PCNX2: variants seen among roughly 807,000 people sequenced by gnomAD.
PCNX2 encodes the protein pecanex 2.
A neutral mutation model predicts 223.8 loss-of-function variants in PCNX2; 168 were observed. The ratio of observed to expected loss-of-function variants is 0.75; its 90% CI spans 0.66 to 0.85. PCNX2 has a LOEUF of 0.85. Ranked by LOEUF, PCNX2 falls within the 40% of genes least tolerant of loss-of-function variation. The pLI is 0.00. For synonymous variants in PCNX2, 1,006 were observed against 1,052.6 expected (o/e 0.96, Z 0.86); for missense variants, 2,507 against 2,675.5 (o/e 0.94, Z 1.39).
intron 25 of PCNX2, among the ~76,000 whole-genome samples, chr1:233,042,416 T>C (rs937103929): frequency 2.0e-5 from 3 of 152,216 alleles, no homozygotes; most frequent in Admixed American, 1.3e-4. Flanking sequence ...CCCCAGCTGA[T>C]AGACTAATAC....
chr1:233,282,980 A>T (rs1661264446), intron 1 of PCNX2, among the ~76,000 whole-genome samples: 1 of 152,068 alleles, frequency 6.6e-6, no homozygotes. Context: ...GTAACTTTTG[A>T]GCATGTTACT....
intron 27 of PCNX2, among the ~76,000 whole-genome samples, chr1:233,015,220 AC>A (rs1670609482): frequency 6.6e-6 from 1 of 152,230 alleles, no homozygotes; most frequent in Non-Finnish European, 1.5e-5. Context: ...CTGTGGGTTG[AC>A]TGCTAGACTG....
At chr1:233,226,284 G>A (rs1657713213) in intron 10 of PCNX2, among the ~76,000 whole-genome samples, 1 of 151,996 alleles carries the variant, frequency 6.6e-6, no homozygotes, top group South Asian at 2.1e-4. Flanking sequence ...TCTGGGTGGG[G>A]GGGAGATTAA....
At chr1:233,146,411 TAAA>T (rs1161854838) in intron 19 of PCNX2, among the ~76,000 whole-genome samples, 4 of 152,148 alleles carry the variant, frequency 2.6e-5, no homozygotes, top group Non-Finnish European at 5.9e-5. Flanking sequence ...GATTATGAAA[TAAA>T]AAAAGTAACT....
At position 233,000,432 on chromosome 1, in the gene PCNX2, G is replaced by A. The variant is rs1430916462; in HGVS notation, c.5201C>T (p.Ala1734Val). The change falls in exon 30 of 34, where the codon GCC (alanine) becomes GTC (valine). Residue 1734 changes from alanine (A) to valine (V), a missense_variant. By Grantham distance (64) the Ala-to-Val change is moderately conservative (BLOSUM62 0). Transcript: ENST00000258229. This position sits in a 1 kb window ranked among gnomAD's most constrained non-coding sequence, Gnocchi z 4.6. The stretch of plus-strand genomic sequence containing the variant: ...GTTGGACAGCACTGCGCCCCGCCAG[G>A]CCGGGTCGCCCTCGTGGCAGATGAC... ...KVVICHEGDP[A>V]WRGAVLSNKE... 5.6e-6 allele frequency: 9 copies of A among 1,601,482 alleles called. No individual in the cohort carries two copies. Among genetic ancestry groups the A allele is most frequent in the Non-Finnish European group, 1.7e-6 (2 of 1,172,518 alleles).
chr1:233,326,544 CAT>C, the PCNX2 span, among the ~76,000 whole-genome samples: 1 of 152,110 alleles, frequency 6.6e-6, no homozygotes, highest in East Asian at 1.9e-4. Flanking sequence ...AAAACTGAGT[CAT>C]AGAGAAATAA....
intron 23 of PCNX2, among the ~76,000 whole-genome samples, chr1:233,072,259 G>A (rs1001072802): frequency 6.6e-6 from 1 of 152,042 alleles, no homozygotes; most frequent in African/African-American, 2.4e-5. Context: ...TGTCTTCCAG[G>A]GTTTTTATAG....
chr1:233,048,447 C>T (rs1671893046), intron 25 of PCNX2, among the ~76,000 whole-genome samples: 1 of 152,200 alleles, frequency 6.6e-6, no homozygotes, highest in Non-Finnish European at 1.5e-5. Context: ...CAGAGTGAGA[C>T]TCTGTCTTAT....
chr1:233,104,891 A>T (rs986075144), intron 21 of PCNX2, among the ~76,000 whole-genome samples: 6 of 152,176 alleles, frequency 3.9e-5, no homozygotes, highest in African/African-American at 1.4e-4. Flanking sequence ...ATTTGCATGT[A>T]ATAAAAACAA....
In PCNX2 at chr1:232,991,375, G is replaced by A. The variant is rs1329931088; in HGVS notation, c.5792-4835C>T. On this transcript the variant is annotated intron_variant, in intron 32 of 33. Coordinates refer to ENST00000258229, the MANE Select transcript of PCNX2 (RefSeq NM_014801.4). The surrounding 1 kb of genome is among the most constrained non-coding windows in gnomAD (Gnocchi z 4.3). The stretch of plus-strand genomic sequence containing the variant: ...CTGGGGATGTGGGCTCATAAGAGAG[G>A]GCTGAGAGAAGGGAGAGAAGGCGTG... 6.6e-6 allele frequency among the ~76,000 whole-genome samples: 1 copy of A among 152,046 alleles called. No homozygotes were observed. Among genetic ancestry groups the A allele is most frequent in the Middle Eastern group, 3.2e-3 (1 of 316 alleles).
intron 15 of PCNX2, among the ~76,000 whole-genome samples, chr1:233,191,338 G>C (rs1220374168): frequency 6.6e-6 from 1 of 152,170 alleles, no homozygotes; most frequent in African/African-American, 2.4e-5. Context: ...TTCTGCATCA[G>C]TTACAGAGAG....
intron 28 of PCNX2, among the ~76,000 whole-genome samples, chr1:233,004,584 C>T (rs1670212752): frequency 6.6e-6 from 1 of 152,096 alleles, no homozygotes; most frequent in African/African-American, 2.4e-5. Flanking sequence ...GCGTCCCTGA[C>T]AGGGCCGGCC....
At chr1:233,190,294 C>T (rs886827978) in intron 15 of PCNX2, among the ~76,000 whole-genome samples, 1 of 152,086 alleles carries the variant, frequency 6.6e-6, no homozygotes, top group Non-Finnish European at 1.5e-5. Context: ...AGTAGAATCA[C>T]GGCTCTGGGT....
intron 1 of PCNX2, among the ~76,000 whole-genome samples, chr1:233,271,271 A>C (rs1660625201): frequency 6.6e-6 from 1 of 152,248 alleles, no homozygotes; most frequent in Non-Finnish European, 1.5e-5. Flanking sequence ...GAAAATTAAA[A>C]ATTATGAATG....
At chr1:233,275,021 T>C (rs1380319612) in intron 1 of PCNX2, among the ~76,000 whole-genome samples, 3 of 152,208 alleles carry the variant, frequency 2.0e-5, no homozygotes, top group Non-Finnish European at 4.4e-5. Context: ...TGAAATCACA[T>C]TTGTGAATGC....
At chr1:232,992,307 AGGAGCCCCTG>A (rs960068359) in intron 32 of PCNX2, among the ~76,000 whole-genome samples, 5 of 152,312 alleles carry the variant, frequency 3.3e-5, no homozygotes, top group African/African-American at 1.2e-4. Flanking sequence ...GAGAAAGTAA[AGGAGCCCCTG>A]CTGGCTGCTT....
intron 28 of PCNX2, 84 bp downstream of exon 28, chr1:233,014,581 T>C: frequency 1.9e-6 from 2 of 1,059,610 alleles, no homozygotes; most frequent in Non-Finnish European, 2.9e-6. Flanking sequence ...AGCTTCAAAA[T>C]AAAGGAAATG....
chr1:233,308,303 A>G, the PCNX2 span, among the ~76,000 whole-genome samples: 2 of 152,022 alleles, frequency 1.3e-5, no homozygotes, highest in African/African-American at 4.8e-5. Context: ...CTAAAAATAC[A>G]AAAAAATTAG....
At chr1:233,290,082 T>G (rs1661675114) in intron 1 of PCNX2, among the ~76,000 whole-genome samples, 2 of 145,920 alleles carry the variant, frequency 1.4e-5, no homozygotes, top group Admixed American at 1.4e-4. Flanking sequence ...TGCAAAACCT[T>G]AAATTCTACT....
Sources: gnomAD v4.1 joint callset for allele counts (sites outside exome capture counted in the v4.1 genomes callset) on GRCh38, gnomAD v4.1.1 for gene constraint, Gnocchi (gnomAD v3.1) non-coding constraint, MANE v1.5 for transcripts, NCBI Gene and HGNC (gene_info 2026-07-23, HGNC 2026-07-21) for gene names.